HERC3: variants seen among roughly 807,000 people sequenced by gnomAD.
HERC3 encodes the protein HECT and RLD domain containing E3 ubiquitin protein ligase 3, also known as probable E3 ubiquitin-protein ligase HERC3.
Under a neutral mutation model 129.9 loss-of-function variants are expected in HERC3, and 58 were observed. The observed-to-expected ratio is 0.45, with a 90% CI of 0.36 to 0.56. HERC3 has a LOEUF of 0.56. Ranked by LOEUF, HERC3 falls within the 20% of genes least tolerant of loss-of-function variation. The pLI is 0.00. For synonymous variants in HERC3, 430 were observed against 451.0 expected (o/e 0.95, Z 0.59); for missense variants, 835 against 1,244.2 (o/e 0.67, Z 4.95).
chr4:88,638,711 A>C (rs574348292), intron 3 of HERC3, among the ~76,000 whole-genome samples: 1 of 152,308 alleles, frequency 6.6e-6, no homozygotes, highest in Non-Finnish European at 1.5e-5. Flanking sequence ...CACCACTCCT[A>C]TTTAACATAG....
chr4:88,540,210 G>A, the HERC3 span, among the ~76,000 whole-genome samples: 11 of 152,260 alleles, frequency 7.2e-5, no homozygotes, highest in East Asian at 1.9e-3. Context: ...TTAGACGAAT[G>A]GCTAACTAGA....
At chr4:88,658,369 A>ATTAATT in intron 9 of HERC3, 46 bp from the exon 10 acceptor site, 1 of 1,068,712 alleles carries the variant, frequency 9.4e-7, no homozygotes, top group Non-Finnish European at 1.4e-6. Flanking sequence ...TCAAGGAGAA[A>ATTAATT]CTTCAATTAA....
chr4:88,617,392 A>G (rs568854930), intron 3 of HERC3, among the ~76,000 whole-genome samples: 4 of 152,090 alleles, frequency 2.6e-5, no homozygotes, highest in Non-Finnish European at 5.9e-5. Flanking sequence ...CAAAATCCCC[A>G]ACATTTTCCA....
intron 2 of HERC3, among the ~76,000 whole-genome samples, chr4:88,597,703 C>G (rs1346985000): frequency 6.6e-6 from 1 of 152,164 alleles, no homozygotes; most frequent in African/African-American, 2.4e-5. Context: ...TTCACAAAGC[C>G]TAGCACCAGG....
intron 1 of HERC3, among the ~76,000 whole-genome samples, chr4:88,592,881 G>GCCTCCCGCCCGCGCTCGGCCGC: frequency 6.6e-6 from 1 of 152,142 alleles, no homozygotes; most frequent in East Asian, 1.9e-4. Context: ...AAATGGGAGC[G>GCCTCCCGCCCGCGCTCGGCCGC]CCTCCCGCCC....
Position 88,678,058 on chromosome 4 carries a change from G to A in HERC3, c.2120G>A (p.Arg707His), listed in dbSNP as rs371967207. 4.3e-6 allele frequency: 7 copies of A among 1,613,908 alleles called. No individual in the cohort carries two copies. The highest frequency in any genetic ancestry group is 1.7e-5 in the Admixed American group (1 of 60,018). ...ARSPFLVLHV[R>H]RNNLVGDALR... The stretch of plus-strand genomic sequence containing the variant: ...AGCCCCTTCCTGGTCCTTCACGTTC[G>A]CAGGAACAACCTTGTTGGAGATGCC... Residue 707 changes from arginine to histidine, a missense_variant, in exon 19 of 26, where the codon CGC (arginine) becomes CAC (histidine). Physicochemically the swap from Arg to His is conservative, Grantham distance 29. Coordinates refer to ENST00000402738, the MANE Select transcript of HERC3 (RefSeq NM_014606.3).
rs1735888988 is a variant in HERC3 at position 88,707,683 on chromosome 4, C to T, written c.*723C>T. 6.6e-6 allele frequency: 1 copy of T among 152,232 alleles called. No individual in the cohort carries two copies. The highest frequency in any genetic ancestry group is 1.5e-5 in the Non-Finnish European group (1 of 68,052). 9.4% of individuals were successfully genotyped at this position (152,232 alleles called of 1,614,324 possible). On this transcript the variant is annotated 3_prime_UTR_variant, in exon 26 of 26. Transcript: ENST00000402738. ...CAGAGCAGCTTAGCATTCGTTGCAGCTGAGCCTAATTTTTTCTTGCTCATC... is the reference window on the plus strand; with the variant it reads ...CAGAGCAGCTTAGCATTCGTTGCAGTTGAGCCTAATTTTTTCTTGCTCATC...
chr4:88,626,461 TTTTAC>T (rs1287544504), intron 3 of HERC3, among the ~76,000 whole-genome samples: 8 of 152,152 alleles, frequency 5.3e-5, no homozygotes, highest in Non-Finnish European at 4.4e-5. Context: ...GGATATTTTA[TTTTAC>T]TTTATTATTT....
chr4:88,656,696 T>C (rs143671728), intron 9 of HERC3: 1 of 152,382 alleles, frequency 6.6e-6, no homozygotes, highest in African/African-American at 2.4e-5. Flanking sequence ...ACCTTGGTGG[T>C]GGTGTATACA....
intron 9 of HERC3, chr4:88,656,728 T>C (rs1165441727): frequency 6.6e-6 from 1 of 152,254 alleles, no homozygotes; most frequent in Non-Finnish European, 1.5e-5. Flanking sequence ...TTGCTAATAA[T>C]GACAGTTCGC....
chr4:88,637,499 TA>T (rs1440200540), intron 3 of HERC3, among the ~76,000 whole-genome samples: 2 of 152,124 alleles, frequency 1.3e-5, no homozygotes, highest in Non-Finnish European at 2.9e-5. Flanking sequence ...GACTTCTGGG[TA>T]AATAATGAAA....
In HERC3 at chr4:88,687,204, A is replaced by T; in HGVS notation, c.2575-13A>T. On this transcript the variant is annotated splice_polypyrimidine_tract_variant and intron_variant, in intron 22 of 25. Transcript: ENST00000402738. ...CAAAATTGAAATATTTCTTTTTTCCACCTTAAATATAGATCTGCCGAGAAA... is the reference window on the plus strand; with the variant it reads ...CAAAATTGAAATATTTCTTTTTTCCTCCTTAAATATAGATCTGCCGAGAAA... 6.3e-7 allele frequency: 1 copy of T among 1,593,778 alleles called. No homozygotes were observed. Among genetic ancestry groups the T allele is most frequent in the Non-Finnish European group, 8.6e-7 (1 of 1,165,568 alleles).
intron 16 of HERC3, 121 bp downstream of exon 16, chr4:88,670,373 C>A: frequency 3.0e-6 from 2 of 662,620 alleles, no homozygotes; most frequent in East Asian, 2.7e-5. Flanking sequence ...TCCAGCTGGC[C>A]TTTTGCATTC....
At chr4:88,697,458 A>T in intron 23 of HERC3, 1 of 1,614,006 alleles carries the variant, frequency 6.2e-7, no homozygotes, top group Non-Finnish European at 8.5e-7. Flanking sequence ...GAAATTCCTT[A>T]TCAAATTTGG....
At chr4:88,665,131 A>G (rs921918510) in intron 12 of HERC3, among the ~76,000 whole-genome samples, 6 of 152,192 alleles carry the variant, frequency 3.9e-5, no homozygotes, top group Non-Finnish European at 8.8e-5. Flanking sequence ...GAAATGGAAC[A>G]AATAGGAGAG....
chr4:88,646,412 T>C (rs1728695487), intron 3 of HERC3, among the ~76,000 whole-genome samples: 1 of 152,228 alleles, frequency 6.6e-6, no homozygotes, highest in Non-Finnish European at 1.5e-5. Flanking sequence ...TGTGCTGTCC[T>C]AACTACCATG....
At chr4:88,548,438 C>G in the HERC3 span, among the ~76,000 whole-genome samples, 2 of 152,092 alleles carry the variant, frequency 1.3e-5, no homozygotes, top group African/African-American at 4.8e-5. Context: ...TTGCCTTTCC[C>G]TGAGAGCCAA....
At chr4:88,565,848 T>C in the HERC3 span, among the ~76,000 whole-genome samples, 1 of 152,196 alleles carries the variant, frequency 6.6e-6, no homozygotes, top group Non-Finnish European at 1.5e-5. Context: ...TTTTGTGGTC[T>C]CCTTTCCTTC....
chr4:88,664,283 A>G, intron 12 of HERC3, 71 bp downstream of exon 12: 1 of 1,263,710 alleles, frequency 7.9e-7, no homozygotes, highest in Admixed American at 1.8e-5. Flanking sequence ...AGGCTGACAC[A>G]GGAGGATTGC....
Sources: gnomAD v4.1 joint callset for allele counts (sites outside exome capture counted in the v4.1 genomes callset) on GRCh38, gnomAD v4.1.1 for gene constraint, MANE v1.5 for transcripts, NCBI Gene and HGNC (gene_info 2026-07-23, HGNC 2026-07-21) for gene names.